ATXN7L2: variants seen among roughly 807,000 people sequenced by gnomAD.
The protein encoded by ATXN7L2 is ataxin-7-like protein 2.
A neutral mutation model predicts 59.6 loss-of-function variants in ATXN7L2; 17 were observed. The observed-to-expected ratio is 0.29, with a 90% CI of 0.20 to 0.43. The LOEUF (loss-of-function observed/expected upper bound fraction) is 0.43, where lower values mean the gene tolerates loss of function less well. Ranked by LOEUF, ATXN7L2 falls within the 20% of genes least tolerant of loss-of-function variation. The pLI is 1.00. For synonymous variants in ATXN7L2, 378 were observed against 392.5 expected (o/e 0.96, Z 0.44); for missense variants, 858 against 1,008.9 (o/e 0.85, Z 2.03).
At position 109,483,921 on chromosome 1, in the gene ATXN7L2, C is replaced by T. The variant is rs926264516; in HGVS notation, c.-33C>T. Reference sequence around the variant, plus strand: ...CGAGGGGGAGGGGGCCGCGCGGCGGCGGCGCCAGGGCGGGCGCGCGTCCGC... The same window carrying T: ...CGAGGGGGAGGGGGCCGCGCGGCGGTGGCGCCAGGGCGGGCGCGCGTCCGC... On this transcript the variant is annotated 5_prime_UTR_variant, in exon 1 of 11. Transcript: ENST00000683729. 2.6e-6 allele frequency: 3 copies of T among 1,171,060 alleles called. No homozygotes were observed. The highest frequency in any genetic ancestry group is 4.7e-5 in the Admixed American group (1 of 21,374). 72.5% of individuals were successfully genotyped at this position (1,171,060 alleles called of 1,614,324 possible).
Position 109,490,049 on chromosome 1 carries a change from G to T in ATXN7L2, c.1253G>T (p.Ser418Ile). Reference protein sequence around the residue: ...RGGTQASSEESEEEGTSDDLH... With the variant: ...RGGTQASSEEIEEEGTSDDLH... ...GGGACCCAGGCCTCCAGCGAAGAGA[G>T]TGAGGAGGAGGGGACATCTGACGAC... is the stretch of plus-strand genomic sequence containing the variant. Residue 418 changes from serine (S) to isoleucine (I), a missense_variant, in exon 8 of 11, where the codon AGT becomes ATT. This residue lies in a region of ATXN7L2 where 734 missense variants were observed against 862.3 expected (regional missense o/e 0.85). Coordinates refer to ENST00000683729, the MANE Select transcript of ATXN7L2 (RefSeq NM_001350175.2). 1 of 1,610,754 alleles carries T rather than the reference G, an allele frequency of 6.2e-7. No individual in the cohort carries two copies. Among genetic ancestry groups the T allele is most frequent in the Non-Finnish European group, 8.5e-7 (1 of 1,178,462 alleles).
intron 1 of ATXN7L2, chr1:109,485,819 G>C: frequency 8.4e-7 from 1 of 1,188,346 alleles, no homozygotes; most frequent in Non-Finnish European, 1.0e-6. Flanking sequence ...AGATGCAGCA[G>C]GTGAAGGAAG....
In ATXN7L2 at chr1:109,491,866, G is replaced by A; in HGVS notation, c.2250+149G>A. ...GGACTGTTTTCTTTAGGAAGAGGTA[G>A]GTCAGTTCTTAGCAAAGTGACTCCA... On this transcript the variant is annotated intron_variant, in intron 10 of 10. Transcript: ENST00000683729. This position sits in a 1 kb window ranked among gnomAD's most constrained non-coding sequence, Gnocchi z 4.1. 1 of 1,222,732 alleles carries A rather than the reference G, an allele frequency of 8.2e-7. No homozygotes were observed. The highest frequency in any genetic ancestry group is 1.1e-6 in the Non-Finnish European group (1 of 907,894). The allele number at this position is 1,222,732 out of a possible 1,614,324, so 75.7% of individuals were successfully genotyped here.
At chr1:109,492,556 C>T in intron 10 of ATXN7L2, 30 bp from the exon 11 acceptor site, 1 of 1,613,932 alleles carries the variant, frequency 6.2e-7, no homozygotes, top group Non-Finnish European at 8.5e-7. Context: ...CCCACCCTGA[C>T]CCTTTCTCTC....
At chr1:109,485,770 A>C in intron 1 of ATXN7L2, 1 of 1,106,968 alleles carries the variant, frequency 9.0e-7, no homozygotes, top group East Asian at 5.0e-5. Flanking sequence ...TCCCATAAGA[A>C]AGGTGGATGG....
Position 109,492,691 on chromosome 1 carries a change from A to G in ATXN7L2, c.*91A>G. On this transcript the variant is annotated 3_prime_UTR_variant, in exon 11 of 11. Coordinates refer to ENST00000683729, the MANE Select transcript of ATXN7L2 (RefSeq NM_001350175.2). ...GGCTGCTGCCGCTTTTTATAACTTT[A>G]TATTATTTTTTTTTAAGAAAAAAAG... The G allele has an allele frequency of 1.4e-6, 2 of 1,450,384 alleles. No individual in the cohort carries two copies. Among genetic ancestry groups the G allele is most frequent in the Admixed American group, 2.1e-5 (1 of 48,006 alleles). 89.8% of individuals were successfully genotyped at this position (1,450,384 alleles called of 1,614,324 possible). A position where few individuals can be genotyped will look rare whatever the true frequency, so the allele number is the denominator to read the frequency against.
rs202077344 is a variant in ATXN7L2 at position 109,491,233 on chromosome 1, C to A, written c.1766C>A (p.Ser589Tyr). The change falls in exon 10 of 11, where the codon TCC becomes TAC. Residue 589 changes from serine (S) to tyrosine (Y), a missense_variant. This residue lies in a region of ATXN7L2 where 734 missense variants were observed against 862.3 expected (regional missense o/e 0.85). Transcript: ENST00000683729. This position sits in a 1 kb window ranked among gnomAD's most constrained non-coding sequence, Gnocchi z 4.1. ...CCGCCTTCCAAGGCCAGCAAGTCAT[C>A]CAAAGGCAAGGACGGGGTGGAGGTG... Reference protein sequence around the residue: ...KLPPSKASKSSKGKDGVEVEA... With the variant: ...KLPPSKASKSYKGKDGVEVEA... 6.2e-7 allele frequency: 1 copy of A among 1,614,096 alleles called. No individual in the cohort carries two copies. Among genetic ancestry groups the A allele is most frequent in the African/African-American group, 1.3e-5 (1 of 74,948 alleles).
Position 109,487,122 on chromosome 1 carries a change from C to T in ATXN7L2, c.414C>T (p.Ala138=), listed in dbSNP as rs780107005. Reference sequence around the variant, plus strand: ...ATGGGCAGGGCCCAGCTTGTAGGGCCCCAGGTTCCACGAAAACCTCCTCCA... The same window carrying T: ...ATGGGCAGGGCCCAGCTTGTAGGGCTCCAGGTTCCACGAAAACCTCCTCCA... ...VVNGQGPACR[A]PGSTKTSSRE... is the part of the protein sequence containing the mutation. The change falls in exon 4 of 11, where the codon GCC becomes GCT. Residue 138 remains alanine (A), a synonymous_variant. Transcript: ENST00000683729. 5.0e-6 allele frequency: 8 copies of T among 1,611,826 alleles called. No individual in the cohort carries two copies. The South Asian group carries it at 8.8e-5, about 18-fold the overall frequency.
At position 109,491,176 on chromosome 1, in the gene ATXN7L2, C is replaced by T; in HGVS notation, c.1709C>T (p.Ala570Val). ...CAGGCTATCACCTCACCACTGCCTG[C>T]CAACACGCCATCCCCGTCCTTCAGC... ...GSQAITSPLP[A>V]NTPSPSFSKL... is the part of the protein sequence containing the mutation. The change falls in exon 10 of 11, where the codon GCC (alanine) becomes GTC (valine). Residue 570 changes from alanine (A) to valine (V), a missense_variant. Transcript: ENST00000683729. The surrounding 1 kb of genome is among the most constrained non-coding windows in gnomAD (Gnocchi z 4.1). The T allele has an allele frequency of 6.2e-7, 1 of 1,613,876 alleles. No homozygotes were observed. Among genetic ancestry groups the T allele is most frequent in the Non-Finnish European group, 8.5e-7 (1 of 1,179,994 alleles).
Position 109,490,145 on chromosome 1 carries a change from G to A in ATXN7L2, c.1332+17G>A, listed in dbSNP as rs1437304336. ...CCACAGGCGGTAAGGACCTGGAATAGGGGCCTATGGAGGGGGTGGCCCAGC... is the reference window on the plus strand; with the variant it reads ...CCACAGGCGGTAAGGACCTGGAATAAGGGCCTATGGAGGGGGTGGCCCAGC... On this transcript the variant is annotated intron_variant, in intron 8 of 10. Transcript: ENST00000683729. 1 of 1,562,136 alleles carries A rather than the reference G, an allele frequency of 6.4e-7. No homozygotes were observed. Among genetic ancestry groups the A allele is most frequent in the African/African-American group, 1.4e-5 (1 of 73,458 alleles).
At position 109,491,345 on chromosome 1, in the gene ATXN7L2, A is replaced by G. The variant is rs779113919; in HGVS notation, c.1878A>G (p.Lys626=). ...TCCTGGAGCCCACTGGAAAAGGGAA[A>G]CCCTCTGGCTGTAGGGGCCTCTCGG... ...TCILEPTGKG[K]PSGCRGLSAK... is the part of the protein sequence containing the mutation. The change falls in exon 10 of 11, where the codon AAA becomes AAG. Residue 626 remains lysine, a synonymous_variant. Coordinates refer to ENST00000683729, the MANE Select transcript of ATXN7L2 (RefSeq NM_001350175.2). The surrounding 1 kb of genome is among the most constrained non-coding windows in gnomAD (Gnocchi z 4.1). 1 of 1,614,224 alleles carries G rather than the reference A, an allele frequency of 6.2e-7. No homozygotes were observed. The highest frequency in any genetic ancestry group is 8.5e-7 in the Non-Finnish European group (1 of 1,180,038).
rs541356108 is a variant in ATXN7L2 at position 109,491,356 on chromosome 1, G to A, written c.1889G>A (p.Cys630Tyr). ...ACTGGAAAAGGGAAACCCTCTGGCTGTAGGGGCCTCTCGGCCAAAACTAAA... is the reference window on the plus strand; with the variant it reads ...ACTGGAAAAGGGAAACCCTCTGGCTATAGGGGCCTCTCGGCCAAAACTAAA... The part of the protein sequence containing the change: ...EPTGKGKPSG[C>Y]RGLSAKTKTA... The change falls in exon 10 of 11, where the codon TGT (cysteine) becomes TAT (tyrosine). Residue 630 changes from cysteine (C) to tyrosine (Y), a missense_variant. Coordinates refer to ENST00000683729, the MANE Select transcript of ATXN7L2 (RefSeq NM_001350175.2). This position sits in a 1 kb window ranked among gnomAD's most constrained non-coding sequence, Gnocchi z 4.1. 1.1e-5 allele frequency: 17 copies of A among 1,614,262 alleles called. No homozygotes were observed. In the South Asian group the frequency reaches 1.1e-4, roughly 10 times the overall value.
rs1207720610 is a variant in ATXN7L2 at position 109,491,142 on chromosome 1, G to C, written c.1675G>C (p.Gly559Arg). ...TGCCTGTAGCCAGGCAGAGTGCATG[G>C]GCGGGAGCCAGGCTATCACCTCACC... is the stretch of plus-strand genomic sequence containing the variant. ...AAACSQAECM[G>R]GSQAITSPLP... Residue 559 changes from glycine to arginine, a missense_variant, in exon 10 of 11, where the codon GGC becomes CGC. By Grantham distance (125) the Gly-to-Arg change is moderately radical. Transcript: ENST00000683729. This position sits in a 1 kb window ranked among gnomAD's most constrained non-coding sequence, Gnocchi z 4.1. 2 of 1,613,590 alleles carry C rather than the reference G, an allele frequency of 1.2e-6. No individual in the cohort carries two copies.
chr1:109,492,778 G>C, downstream of ATXN7L2: 1 of 743,346 alleles, frequency 1.3e-6, no homozygotes, highest in Non-Finnish European at 2.1e-6. Flanking sequence ...TATAAAAACA[G>C]AAACATAGAA....
At chr1:109,487,865 G>A in intron 5 of ATXN7L2, 61 bp downstream of exon 5, 1 of 1,513,388 alleles carries the variant, frequency 6.6e-7, no homozygotes. Flanking sequence ...GGGCTGCTTT[G>A]TCCTTGGGCT....
rs1471012386 is a variant in ATXN7L2 at position 109,488,369 on chromosome 1, T to C, written c.797-14T>C. ...AAATGGTCTTGAGGTTCATTGGAAGTGCTTTCCCCACAGGGAAGGAGTGCG... is the reference window on the plus strand; with the variant it reads ...AAATGGTCTTGAGGTTCATTGGAAGCGCTTTCCCCACAGGGAAGGAGTGCG... On this transcript the variant is annotated splice_polypyrimidine_tract_variant and intron_variant, in intron 5 of 10. Transcript: ENST00000683729. This position sits in a 1 kb window ranked among gnomAD's most constrained non-coding sequence, Gnocchi z 5.0. The C allele has an allele frequency of 1.3e-6, 2 of 1,589,140 alleles. No individual in the cohort carries two copies. Among genetic ancestry groups the C allele is most frequent in the Admixed American group, 1.7e-5 (1 of 57,850 alleles).
chr1:109,484,079 C>G lies in ATXN7L2; in HGVS notation c.126C>G (p.Asp42Glu). ...AGCGGGCCGACCTGCCCGCGGCTGA[C>G]GGTGAGTAAAGCCACCCTAAAGTCC... Reference protein sequence around the residue: ...WVERADLPAADGAELEESSKN... With the variant: ...WVERADLPAAEGAELEESSKN... Residue 42 changes from aspartate to glutamate, a missense_variant and splice_region_variant, in exon 1 of 11, where the codon GAC (aspartate) becomes GAG (glutamate). By Grantham distance (45) the Asp-to-Glu change is conservative (BLOSUM62 2). Coordinates refer to ENST00000683729, the MANE Select transcript of ATXN7L2 (RefSeq NM_001350175.2). 1 of 1,514,088 alleles carries G rather than the reference C, an allele frequency of 6.6e-7. No individual in the cohort carries two copies. The highest frequency in any genetic ancestry group is 8.9e-7 in the Non-Finnish European group (1 of 1,127,866). 93.8% of individuals were successfully genotyped at this position (1,514,088 alleles called of 1,614,324 possible).
At chr1:109,485,443 C>T (rs933188510) in intron 1 of ATXN7L2, 1 of 985,346 alleles carries the variant, frequency 1.0e-6, no homozygotes, top group Non-Finnish European at 1.2e-6. Context: ...ACAGCAGTTT[C>T]TCTGCTCTGT....
At chr1:109,492,206 T>C in intron 10 of ATXN7L2, 1 of 794,312 alleles carries the variant, frequency 1.3e-6, no homozygotes, top group Non-Finnish European at 1.6e-6. Flanking sequence ...CACCTCCAGG[T>C]GTGCAGGTGA....
Sources: gnomAD v4.1 joint callset for allele counts on GRCh38, gnomAD v4.1.1 for gene constraint, gnomAD v4.1.1 regional missense constraint, Gnocchi (gnomAD v3.1) non-coding constraint, MANE v1.5 for transcripts, NCBI Gene and HGNC (gene_info 2026-07-23, HGNC 2026-07-21) for gene names.